The following MMP17 variants were observed in gnomAD, a reference collection of about 807,000 sequenced individuals.
MMP17 encodes the protein matrix metalloproteinase-17.
MMP17 carries 54 observed loss-of-function variants against 49.1 expected under a neutral mutation model. The observed-to-expected ratio is 1.10, with a 90% confidence interval of 0.88 to 1.38. The LOEUF is 1.38. Ranked by LOEUF, MMP17 falls within the 40% of genes most tolerant of loss-of-function variation. The probability of loss-of-function intolerance (pLI) is 0.00; values close to 1 mark genes in which losing one functional copy is unlikely to be tolerated. For synonymous variants in MMP17, 397 were observed against 383.1 expected (o/e 1.04, Z -0.42); for missense variants, 837 against 853.7 (o/e 0.98, Z 0.24).
chr12:131,849,541 AGTT>A (rs1358935859), intron 8 of MMP17, among the ~76,000 whole-genome samples: 2 of 152,154 alleles, frequency 1.3e-5, no homozygotes, highest in South Asian at 2.1e-4. Context: ...GTTTGGCCCG[AGTT>A]GTTGTTTCCA....
Position 131,845,468 on chromosome 12 carries a change from C to T in MMP17, c.1204+19C>T, listed in dbSNP as rs368806591. 7.9e-5 allele frequency: 122 copies of T among 1,543,644 alleles called. No individual in the cohort carries two copies. The highest frequency in any genetic ancestry group is 9.5e-5 in the Non-Finnish European group (109 of 1,147,668). On this transcript the variant is annotated intron_variant, in intron 8 of 9. Coordinates refer to ENST00000360564, the MANE Select transcript of MMP17 (RefSeq NM_016155.7). The stretch of plus-strand genomic sequence containing the variant: ...TTTAAAGGTGGGTGGGCCTCCCCGT[C>T]GCACTCCGGGCTTCCCGGGCCCTCT...
At chr12:131,834,069 G>T (rs1255003726) in intron 1 of MMP17, among the ~76,000 whole-genome samples, 1 of 152,264 alleles carries the variant, frequency 6.6e-6, no homozygotes, top group Non-Finnish European at 1.5e-5. Flanking sequence ...CTGCGTCAGA[G>T]TCAGGGGCTG....
chr12:131,842,736 G>T (rs573306202), intron 5 of MMP17, among the ~76,000 whole-genome samples: 1 of 151,138 alleles, frequency 6.6e-6, no homozygotes, highest in East Asian at 2.0e-4. Context: ...TCGCACCACT[G>T]CACTCCAGCC....
At chr12:131,849,462 GAC>G (rs932533791) in intron 8 of MMP17, among the ~76,000 whole-genome samples, 12 of 152,220 alleles carry the variant, frequency 7.9e-5, no homozygotes, top group African/African-American at 2.9e-4. Context: ...CAGCCTGGGT[GAC>G]ACAGCAAGAC....
intron 8 of MMP17, 108 bp downstream of exon 8, chr12:131,845,557 C>A: frequency 7.3e-7 from 1 of 1,379,252 alleles, no homozygotes; most frequent in Non-Finnish European, 9.6e-7. Context: ...TGCCCAGAGG[C>A]TGGTCGAGCA....
intron 1 of MMP17, among the ~76,000 whole-genome samples, chr12:131,829,526 C>T (rs1370467195): frequency 1.3e-5 from 2 of 152,200 alleles, no homozygotes; most frequent in South Asian, 2.1e-4. Context: ...CCTGCCCCAC[C>T]GCTGCCTTCA....
At chr12:131,829,445 G>C (rs1457257180) in intron 1 of MMP17, among the ~76,000 whole-genome samples, 1 of 152,014 alleles carries the variant, frequency 6.6e-6, no homozygotes, top group African/African-American at 2.4e-5. Flanking sequence ...AGCACACGTC[G>C]TGGGGTCAGC....
intron 1 of MMP17, among the ~76,000 whole-genome samples, chr12:131,833,360 AT>A (rs1302175460): frequency 6.6e-6 from 1 of 152,200 alleles, no homozygotes; most frequent in Non-Finnish European, 1.5e-5. Context: ...GGTGTTTGCT[AT>A]TTATCTTCCT....
At chr12:131,844,810 C>T (rs539634876) in intron 6 of MMP17, 59 of 396,972 alleles carry the variant, frequency 1.5e-4, no homozygotes, top group African/African-American at 7.6e-4. Context: ...CGTGGGGTCC[C>T]GTGGCGTGGG....
At chr12:131,843,113 G>A (rs1887505001) in intron 5 of MMP17, among the ~76,000 whole-genome samples, 1 of 151,660 alleles carries the variant, frequency 6.6e-6, no homozygotes, top group Non-Finnish European at 1.5e-5. Context: ...ACAGGTGACC[G>A]CCACCACGCC....
intron 1 of MMP17, among the ~76,000 whole-genome samples, chr12:131,835,783 C>T (rs1052433290): frequency 2.0e-5 from 3 of 152,198 alleles, no homozygotes; most frequent in Admixed American, 1.3e-4. Flanking sequence ...GAGGAGGTGA[C>T]AGGCTATTGT....
intron 1 of MMP17, among the ~76,000 whole-genome samples, chr12:131,828,906 C>T (rs1354184539): frequency 6.6e-6 from 1 of 152,068 alleles, no homozygotes; most frequent in African/African-American, 2.4e-5. Context: ...GCGCCGCAGC[C>T]GCAGGAGCCC....
At position 131,845,215 on chromosome 12, in the gene MMP17, C is replaced by G. The variant is rs754847970; in HGVS notation, c.1051+15C>G. On this transcript the variant is annotated intron_variant, in intron 7 of 9. Transcript: ENST00000360564. The stretch of plus-strand genomic sequence containing the variant: ...CTTCTTCAAAGGTACCTCCAGGGTT[C>G]CCGTGGCGGTTGGCTGAGGGCCATG... The G allele has an allele frequency of 1.2e-6, 2 of 1,614,064 alleles. No homozygotes were observed. Among genetic ancestry groups the G allele is most frequent in the Middle Eastern group, 1.6e-4 (1 of 6,062 alleles).
At chr12:131,849,415 G>A (rs555802849) in intron 8 of MMP17, among the ~76,000 whole-genome samples, 2 of 152,284 alleles carry the variant, frequency 1.3e-5, no homozygotes, top group African/African-American at 2.4e-5. Flanking sequence ...ACCCAGGGGC[G>A]GAGGTTGCAG....
chr12:131,840,427 T>C (rs7484577), intron 3 of MMP17, 146 bp from the exon 4 acceptor site: 535,775 of 802,712 alleles, frequency 0.67, 179,958 homozygotes, highest in African/African-American at 0.76. Flanking sequence ...GTGCATCGGA[T>C]GACTCCTGGC....
chr12:131,844,755 C>G (rs148131532), intron 6 of MMP17: 20 of 321,506 alleles, frequency 6.2e-5, no homozygotes, highest in Non-Finnish European at 9.6e-5. Flanking sequence ...TGTGAACACG[C>G]TTCTTGTAGG....
intron 9 of MMP17, among the ~76,000 whole-genome samples, chr12:131,850,309 C>G (rs1023993902): frequency 6.6e-6 from 1 of 152,194 alleles, no homozygotes; most frequent in African/African-American, 2.4e-5. Context: ...GCTGCTCCCC[C>G]AGCCACGCTC....
chr12:131,850,036 A>T lies in MMP17; in HGVS notation c.1439A>T (p.Asp480Val). The part of the protein sequence containing the change: ...PLWRGVPSTL[D>V]DAMRWSDGAS... The stretch of plus-strand genomic sequence containing the variant: ...TGGAGGGGTGTCCCCAGCACGCTGG[A>T]CGACGCCATGCGCTGGTCCGACGGT... Residue 480 changes from aspartate to valine, a missense_variant, in exon 9 of 10, where the codon GAC (aspartate) becomes GTC (valine). Coordinates refer to ENST00000360564, the MANE Select transcript of MMP17 (RefSeq NM_016155.7). 1 of 1,612,686 alleles carries T rather than the reference A, an allele frequency of 6.2e-7. No homozygotes were observed. Among genetic ancestry groups the T allele is most frequent in the Non-Finnish European group, 8.5e-7 (1 of 1,179,680 alleles).
intron 8 of MMP17, among the ~76,000 whole-genome samples, chr12:131,845,667 C>T (rs1887671176): frequency 1.3e-5 from 2 of 152,212 alleles, no homozygotes; most frequent in African/African-American, 2.4e-5. Context: ...GAGGGCAAAA[C>T]GATGGAAAGC....
Sources: gnomAD v4.1 joint callset for allele counts (sites outside exome capture counted in the v4.1 genomes callset) on GRCh38, gnomAD v4.1.1 for gene constraint, MANE v1.5 for transcripts, NCBI Gene and HGNC (gene_info 2026-07-23, HGNC 2026-07-21) for gene names.